The following EBF3 variants were observed in gnomAD, a reference collection of about 807,000 sequenced individuals.
The protein encoded by EBF3 is EBF transcription factor 3.
Under a neutral mutation model 77.1 loss-of-function variants are expected in EBF3, and 18 were observed. The observed-to-expected ratio is 0.23, with a 90% confidence interval of 0.16 to 0.35. EBF3 has a LOEUF of 0.35. Ranked by LOEUF, EBF3 falls within the 10% of genes least tolerant of loss-of-function variation. EBF3 has a pLI of 1.00. For missense variants in EBF3, 558 were observed against 860.0 expected (o/e 0.65, Z 4.39); for synonymous variants, 350 against 343.5 (o/e 1.02, Z -0.21).
chr10:129,926,507 A>C (rs897488804), intron 6 of EBF3, among the ~76,000 whole-genome samples: 8 of 152,168 alleles, frequency 5.3e-5, no homozygotes, highest in African/African-American at 1.9e-4. Context: ...TGGACCACTC[A>C]GCCCAAAGCA....
chr10:129,942,929 T>C (rs549729533), intron 6 of EBF3, among the ~76,000 whole-genome samples: 1 of 152,286 alleles, frequency 6.6e-6, no homozygotes, highest in Admixed American at 6.5e-5. Context: ...AGATCACGCG[T>C]TGACATTAAT....
intron 6 of EBF3, among the ~76,000 whole-genome samples, chr10:129,930,595 CT>C (rs1474866572): frequency 6.9e-6 from 1 of 145,682 alleles, no homozygotes; most frequent in African/African-American, 2.5e-5. Context: ...ACAAATCCCC[CT>C]CTCATATATC....
At chr10:129,936,235 G>A (rs1233643129) in intron 6 of EBF3, among the ~76,000 whole-genome samples, 1 of 152,200 alleles carries the variant, frequency 6.6e-6, no homozygotes, top group African/African-American at 2.4e-5. Flanking sequence ...CCCAGGGAAG[G>A]TGAGGACTGG....
chr10:129,904,422 T>C (rs1373944232), intron 6 of EBF3, among the ~76,000 whole-genome samples: 1 of 151,134 alleles, frequency 6.6e-6, no homozygotes, highest in Non-Finnish European at 1.5e-5. Flanking sequence ...AGACAGATGA[T>C]TAAATGGACA....
intron 6 of EBF3, among the ~76,000 whole-genome samples, chr10:129,893,501 A>G (rs991894002): frequency 2.0e-5 from 3 of 152,228 alleles, no homozygotes; most frequent in African/African-American, 7.2e-5. Flanking sequence ...AAAACTGTCA[A>G]TTTTTGTTCA....
At chr10:129,925,464 T>C (rs900531268) in intron 6 of EBF3, among the ~76,000 whole-genome samples, 3 of 151,814 alleles carry the variant, frequency 2.0e-5, no homozygotes, top group East Asian at 3.9e-4. Flanking sequence ...TGGTGGTGCA[T>C]GCCTGTAATC....
intron 6 of EBF3, among the ~76,000 whole-genome samples, chr10:129,950,564 T>C (rs1015437357): frequency 8.5e-5 from 13 of 152,190 alleles, no homozygotes; most frequent in Admixed American, 1.3e-4. Flanking sequence ...TGAAAACAGT[T>C]TTCTCAAGCT....
Position 129,883,447 on chromosome 10 carries a change from T to C in EBF3, c.555-5598A>G, listed in dbSNP as rs117330984. On this transcript the variant is annotated intron_variant, in intron 6 of 16. Coordinates refer to ENST00000440978, the MANE Select transcript of EBF3 (RefSeq NM_001375380.1). ...TAAAAAATGTTGGTATCTTTTATTG[T>C]GGGGGATGGGGGGAACCTGCTTTTG... Among the ~76,000 whole-genome samples the C allele has an allele frequency of 6.6e-3, 999 of 152,214 alleles. 6 individuals carry two copies. The highest frequency in any genetic ancestry group is 0.05 in the East Asian group (261 of 5,178).
chr10:129,840,483 A>G (rs1449768121), intron 14 of EBF3, 41 bp from the exon 15 acceptor site: 2 of 1,536,882 alleles, frequency 1.3e-6, no homozygotes, highest in African/African-American at 2.7e-5. Flanking sequence ...CGGCCGCGGC[A>G]CAGCGCCACG....
chr10:129,904,433 GATGGATGGATGGATAA>G (rs1242632043), intron 6 of EBF3, among the ~76,000 whole-genome samples: 4 of 152,142 alleles, frequency 2.6e-5, no homozygotes, highest in Non-Finnish European at 4.4e-5. Flanking sequence ...TAAATGGACA[GATGGATGGATGGATAA>G]ATGGATGGAT....
At chr10:129,869,174 C>T (rs983693965) in intron 8 of EBF3, among the ~76,000 whole-genome samples, 5 of 152,216 alleles carry the variant, frequency 3.3e-5, no homozygotes, top group Admixed American at 3.3e-4. Flanking sequence ...AGCCCTGGGA[C>T]ACCCAGAGGT....
chr10:129,851,583 T>C (rs922540695), intron 10 of EBF3, among the ~76,000 whole-genome samples: 4 of 152,226 alleles, frequency 2.6e-5, no homozygotes, highest in African/African-American at 9.6e-5. Flanking sequence ...AGCTCCCAAC[T>C]TTCTGCATGG....
Position 129,856,276 on chromosome 10 carries a change from CA to C in EBF3, c.1040-7797del, listed in dbSNP as rs904860077. Reference sequence around the variant, plus strand: ...TGAATGTCATGTTTCCATATGTTCACAAAAAAAAAATGTATTCACACATGTT... The same window carrying C: ...TGAATGTCATGTTTCCATATGTTCACAAAAAAAAATGTATTCACACATGTT... On this transcript the variant is annotated intron_variant, in intron 10 of 16. Coordinates refer to ENST00000440978, the MANE Select transcript of EBF3 (RefSeq NM_001375380.1). 3.2e-3 allele frequency among the ~76,000 whole-genome samples: 474 copies of C among 147,540 alleles called. 1 individual carries two copies. Among genetic ancestry groups the C allele is most frequent in the African/African-American group, 7.4e-3 (300 of 40,330 alleles).
chr10:129,878,823 C>CTAAAAA (rs1852985375), intron 6 of EBF3, among the ~76,000 whole-genome samples: 1 of 58,758 alleles, frequency 1.7e-5, no homozygotes, highest in Non-Finnish European at 3.1e-5. Context: ...AAATCGGTCT[C>CTAAAAA]AAAAAAAAAA....
intron 6 of EBF3, among the ~76,000 whole-genome samples, chr10:129,884,651 T>C (rs1416497070): frequency 6.6e-6 from 1 of 152,212 alleles, no homozygotes; most frequent in Non-Finnish European, 1.5e-5. Flanking sequence ...CAGATGTCCT[T>C]TGTTGGGGGC....
chr10:129,874,291 C>G (rs1411398787), intron 7 of EBF3, among the ~76,000 whole-genome samples: 1 of 152,146 alleles, frequency 6.6e-6, no homozygotes, highest in East Asian at 1.9e-4. Context: ...TGAGAGGCTT[C>G]CATTCTTAGG....
At position 129,842,516 on chromosome 10, in the gene EBF3, C is replaced by T. The variant is rs573143104; in HGVS notation, c.1195-223G>A. Among the ~76,000 whole-genome samples the T allele has an allele frequency of 6.6e-6, 1 of 152,194 alleles. No individual in the cohort carries two copies. Among genetic ancestry groups the T allele is most frequent in the Admixed American group, 6.5e-5 (1 of 15,290 alleles). On this transcript the variant is annotated intron_variant, in intron 12 of 16. Coordinates refer to ENST00000440978, the MANE Select transcript of EBF3 (RefSeq NM_001375380.1). The surrounding 1 kb of genome is among the most constrained non-coding windows in gnomAD (Gnocchi z 4.4). Reference sequence around the variant, plus strand: ...CGGTGGCTCACTCCTGTAATCCCAGCATTTTGGGAGGTCAAGGCAGGCGGA... The same window carrying T: ...CGGTGGCTCACTCCTGTAATCCCAGTATTTTGGGAGGTCAAGGCAGGCGGA...
At chr10:129,901,215 C>T (rs111296177) in intron 6 of EBF3, among the ~76,000 whole-genome samples, 12 of 152,326 alleles carry the variant, frequency 7.9e-5, no homozygotes, top group African/African-American at 2.9e-4. Context: ...CAGCTGACAT[C>T]TCCACATGAC....
At position 129,843,099 on chromosome 10, in the gene EBF3, G is replaced by GA. The variant is rs768424110; in HGVS notation, c.1194+37_1194+38insT. 3.1e-6 allele frequency: 5 copies of GA among 1,603,308 alleles called. No individual in the cohort carries two copies. In the East Asian group the frequency reaches 6.7e-5, roughly 22 times the overall value. ...CCGGCTGCCCACGGGTTCTGGCATG[G>GA]GGGGGAGGATGGGCGAGGGGAGCCG... On this transcript the variant is annotated intron_variant, in intron 12 of 16. Coordinates refer to ENST00000440978, the MANE Select transcript of EBF3 (RefSeq NM_001375380.1).
Sources: allele counts gnomAD v4.1 joint callset (sites outside exome capture counted in the v4.1 genomes callset), GRCh38; gene constraint gnomAD v4.1.1; non-coding constraint Gnocchi (gnomAD v3.1); transcripts MANE v1.5; gene names NCBI Gene and HGNC (gene_info 2026-07-23, HGNC 2026-07-21).